Variants in WDFY3 observed in about 807,000 individuals in gnomAD.
WDFY3 encodes the protein WD repeat and FYVE domain containing 3.
WDFY3 carries 66 observed loss-of-function variants against 409.6 expected under a neutral mutation model. The ratio of observed to expected loss-of-function variants is 0.16; its 90% CI spans 0.13 to 0.20. The LOEUF is 0.20. Ranked by LOEUF, WDFY3 falls within the 10% of genes least tolerant of loss-of-function variation. The pLI, the probability that WDFY3 is intolerant of heterozygous loss-of-function variation, is 1.00. For synonymous variants in WDFY3, 1,521 were observed against 1,537.1 expected, an observed-to-expected ratio of 0.99 and a Z score of 0.25; for missense variants, 3,031 against 4,298.1, an observed-to-expected ratio of 0.71 and a Z score of 8.24.
chr4:84,677,539 T>C, intron 66 of WDFY3, 143 bp from the exon 67 acceptor site: 1 of 696,048 alleles, frequency 1.4e-6, no homozygotes, highest in African/African-American at 1.8e-5. Flanking sequence ...CACTCAGAGA[T>C]GTATGTGTAA....
intron 67 of WDFY3, among the ~76,000 whole-genome samples, chr4:84,675,919 A>AC (rs1280599290): frequency 1.3e-5 from 2 of 152,190 alleles, no homozygotes. Flanking sequence ...CTCATGTTAT[A>AC]CCCCAAAATA....
At chr4:84,681,842 A>G (rs1455173411) in intron 64 of WDFY3, among the ~76,000 whole-genome samples, 1 of 152,216 alleles carries the variant, frequency 6.6e-6, no homozygotes, top group Non-Finnish European at 1.5e-5. Context: ...TATTTCACTG[A>G]AAAATTTTAA....
At chr4:84,843,879 G>C (rs1441486076) in intron 5 of WDFY3, among the ~76,000 whole-genome samples, 1 of 151,768 alleles carries the variant, frequency 6.6e-6, no homozygotes, top group Non-Finnish European at 1.5e-5. Context: ...AAACATACTG[G>C]GTCTTTTAAT....
intron 3 of WDFY3, among the ~76,000 whole-genome samples, chr4:84,892,162 AAAT>A (rs1214495708): frequency 2.6e-5 from 4 of 152,044 alleles, no homozygotes; most frequent in African/African-American, 9.7e-5. Context: ...GTTTTAAATA[AAAT>A]AATTTATCAT....
At chr4:84,822,865 T>G (rs758953842) in intron 10 of WDFY3, among the ~76,000 whole-genome samples, 2 of 152,210 alleles carry the variant, frequency 1.3e-5, no homozygotes, top group Non-Finnish European at 2.9e-5. Flanking sequence ...TACCAAAAAT[T>G]TATCTTTGTT....
intron 1 of WDFY3, among the ~76,000 whole-genome samples, chr4:84,961,032 T>C (rs887930593): frequency 6.6e-6 from 1 of 151,942 alleles, no homozygotes; most frequent in African/African-American, 2.4e-5. Context: ...CTGGCTAACA[T>C]GGTGAAACCC....
intron 24 of WDFY3, 85 bp from the exon 25 acceptor site, chr4:84,783,159 G>T: frequency 2.5e-6 from 3 of 1,221,850 alleles, no homozygotes; most frequent in Non-Finnish European, 3.6e-6. Context: ...CACATGAATG[G>T]TAACATATCT....
intron 17 of WDFY3, among the ~76,000 whole-genome samples, chr4:84,800,408 A>G (rs939209505): frequency 7.9e-5 from 12 of 152,216 alleles, no homozygotes; most frequent in African/African-American, 2.9e-4. Context: ...AGGAAATGAC[A>G]GATATATATG....
chr4:84,852,764 C>CT (rs367758767), intron 4 of WDFY3, among the ~76,000 whole-genome samples: 4,741 of 146,210 alleles, frequency 0.032, 103 homozygotes, highest in South Asian at 0.11. Flanking sequence ...TAAACCTCCC[C>CT]TTTTTTTTTT....
At chr4:84,939,723 T>TA (rs963543735) in intron 1 of WDFY3, among the ~76,000 whole-genome samples, 2,193 of 147,458 alleles carry the variant, frequency 0.015, 16 homozygotes, top group Non-Finnish European at 0.024. Context: ...TGTTCTTATT[T>TA]AAAAAAAAAA....
intron 3 of WDFY3, among the ~76,000 whole-genome samples, chr4:84,885,415 A>G (rs995050108): frequency 1.3e-5 from 2 of 151,648 alleles, no homozygotes; most frequent in African/African-American, 4.8e-5. Flanking sequence ...AAAATCACTT[A>G]CCGTATATAA....
intron 60 of WDFY3, 59 bp downstream of exon 60, chr4:84,691,572 T>C (rs978828125): frequency 1.9e-6 from 3 of 1,571,168 alleles, no homozygotes; most frequent in Middle Eastern, 1.7e-4. Flanking sequence ...ATTAGTCATA[T>C]AGGATAGCCA....
chr4:84,892,089 A>G (rs771205697), intron 3 of WDFY3, among the ~76,000 whole-genome samples: 2 of 147,140 alleles, frequency 1.4e-5, no homozygotes, highest in Non-Finnish European at 3.0e-5. Flanking sequence ...TTTTAGGTTG[A>G]TATCTAATAC....
At position 84,733,476 on chromosome 4, in the gene WDFY3, C is replaced by G; in HGVS notation, c.7127G>C (p.Gly2376Ala). ...LDKWMLEMTE[G>A]PCRMRKKMVR... ...CATCTTTTTCCTCATCCTGCAGGGC[C>G]CTTCTGTCATCTCCAGCATCCACTT... The change falls in exon 44 of 68, where the codon GGG (glycine) becomes GCG (alanine). Residue 2376 changes from glycine to alanine, a missense_variant. Physicochemically the swap from Gly to Ala is moderately conservative, Grantham distance 60 (BLOSUM62 0). Transcript: ENST00000295888. 6.2e-7 allele frequency: 1 copy of G among 1,613,998 alleles called. No individual in the cohort carries two copies. The highest frequency in any genetic ancestry group is 8.5e-7 in the Non-Finnish European group (1 of 1,180,016).
chr4:84,856,496 T>C (rs896077716), intron 4 of WDFY3, among the ~76,000 whole-genome samples: 1 of 152,180 alleles, frequency 6.6e-6, no homozygotes, highest in African/African-American at 2.4e-5. Context: ...TGAATAAATA[T>C]TATTCAGCTA....
chr4:84,736,994 T>TA lies in WDFY3; in HGVS notation c.6757+189dup, dbSNP rs200364139. Among the ~76,000 whole-genome samples, 4,994 of 114,492 alleles carry TA rather than the reference T, an allele frequency of 0.044. 249 individuals carry two copies. Among genetic ancestry groups the TA allele is most frequent in the African/African-American group, 0.14 (4,476 of 31,954 alleles). The allele number at this position is 114,492 out of a possible 152,430, so 75.1% of individuals were successfully genotyped here. A position where few individuals can be genotyped will look rare whatever the true frequency, so the allele number is the denominator to read the frequency against. On this transcript the variant is annotated intron_variant, in intron 41 of 67. Transcript: ENST00000295888. ...CTGATGTATAACATACCTCAGATGC[T>TA]AAAAAAAAAAAAAAAAAAATCAAAG...
chr4:84,682,118 T>A (rs1310387005), intron 64 of WDFY3, among the ~76,000 whole-genome samples: 1 of 152,198 alleles, frequency 6.6e-6, no homozygotes, highest in Non-Finnish European at 1.5e-5. Context: ...CCTTTGGTAC[T>A]CTAGGAAGTA....
At chr4:84,809,587 G>GA (rs916504493) in intron 14 of WDFY3, 38 of 242,348 alleles carry the variant, frequency 1.6e-4, no homozygotes, top group South Asian at 9.4e-4. Flanking sequence ...AGGCTAAAAA[G>GA]AAAAAAAACA....
chr4:84,786,122 C>T lies in WDFY3; in HGVS notation c.3919G>A (p.Glu1307Lys), dbSNP rs757583006. The stretch of plus-strand genomic sequence containing the variant: ...GACACAGGGGATGGCACCACCCCTT[C>T]GGATTTTGCATCTTTACCTTCAAAA... Reference protein sequence around the residue: ...VCMPCKDAKSEGVVPSPVSLV... With the variant: ...VCMPCKDAKSKGVVPSPVSLV... Residue 1307 changes from glutamate to lysine, a missense_variant, in exon 24 of 68, where the codon GAA becomes AAA. Physicochemically the swap from Glu to Lys is moderately conservative, Grantham distance 56. Coordinates refer to ENST00000295888, the MANE Select transcript of WDFY3 (RefSeq NM_014991.6). The T allele has an allele frequency of 1.9e-6, 3 of 1,601,134 alleles. No homozygotes were observed. Among genetic ancestry groups the T allele is most frequent in the African/African-American group, 1.3e-5 (1 of 74,294 alleles).
Sources: gnomAD v4.1 joint callset for allele counts (sites outside exome capture counted in the v4.1 genomes callset) on GRCh38, gnomAD v4.1.1 for gene constraint, MANE v1.5 for transcripts, NCBI Gene and HGNC (gene_info 2026-07-23, HGNC 2026-07-21) for gene names.